MAGI2: variants seen among roughly 807,000 people sequenced by gnomAD.
The protein encoded by MAGI2 is membrane-associated guanylate kinase, WW and PDZ domain-containing protein 2.
A neutral mutation model predicts 133.3 loss-of-function variants in MAGI2; 35 were observed. The observed-to-expected ratio is 0.26, with a 90% CI of 0.20 to 0.35. MAGI2 has a LOEUF of 0.35. MAGI2 is among the 10% of genes least tolerant of loss of function. The pLI is 1.00. For missense variants in MAGI2, 1,636 were observed against 1,863.4 expected (o/e 0.88, Z 2.25); for synonymous variants, 729 against 710.6 (o/e 1.03, Z -0.41).
At chr7:78,055,474 G>A (rs1812467651) in intron 21 of MAGI2, among the ~76,000 whole-genome samples, 1 of 152,208 alleles carries the variant, frequency 6.6e-6, no homozygotes, top group Middle Eastern at 3.4e-3. Context: ...TACCTAGAGT[G>A]GCTGTCAAGA....
chr7:78,749,237 C>G (rs146135759), intron 2 of MAGI2, among the ~76,000 whole-genome samples: 1 of 152,160 alleles, frequency 6.6e-6, no homozygotes, highest in Non-Finnish European at 1.5e-5. Context: ...GTAGGATTTA[C>G]ATACATGGAG....
chr7:78,687,174 C>T (rs926665535), intron 2 of MAGI2, among the ~76,000 whole-genome samples: 1 of 152,160 alleles, frequency 6.6e-6, no homozygotes, highest in African/African-American at 2.4e-5. Flanking sequence ...GTTTTCTTCT[C>T]ACTCCTAAGC....
At chr7:78,624,647 C>T (rs778130403) in intron 3 of MAGI2, among the ~76,000 whole-genome samples, 33 of 151,804 alleles carry the variant, frequency 2.2e-4, no homozygotes, top group Non-Finnish European at 2.5e-4. Context: ...GCCTTTTGGG[C>T]GGGTGCTGAG....
chr7:78,452,682 A>G (rs1563018054), intron 6 of MAGI2, among the ~76,000 whole-genome samples: 1 of 151,830 alleles, frequency 6.6e-6, no homozygotes, highest in Non-Finnish European at 1.5e-5. Flanking sequence ...TAAGAAATAT[A>G]GAGAAAAATT....
intron 9 of MAGI2, among the ~76,000 whole-genome samples, chr7:78,299,619 T>A (rs1209141787): frequency 6.6e-6 from 1 of 152,114 alleles, no homozygotes; most frequent in Non-Finnish European, 1.5e-5. Flanking sequence ...CTTTTAAGTT[T>A]AGGGGTACAT....
chr7:78,719,271 C>G (rs1253786697), intron 2 of MAGI2, among the ~76,000 whole-genome samples: 1 of 152,060 alleles, frequency 6.6e-6, no homozygotes, highest in African/African-American at 2.4e-5. Context: ...CAATTGAAGT[C>G]TTACAAATAC....
intron 3 of MAGI2, among the ~76,000 whole-genome samples, chr7:78,529,488 G>A (rs73376271): frequency 0.019 from 2,848 of 152,060 alleles, 47 homozygotes; most frequent in African/African-American, 0.042. Context: ...GAAGGCATTT[G>A]AACATTTGTA....
intron 14 of MAGI2, among the ~76,000 whole-genome samples, chr7:78,172,044 C>T (rs1826161800): frequency 6.6e-6 from 1 of 152,114 alleles, no homozygotes. Flanking sequence ...AGAAACAAAA[C>T]AATTCTACTT....
intron 1 of MAGI2, among the ~76,000 whole-genome samples, chr7:79,019,327 G>C (rs1200938249): frequency 6.6e-6 from 1 of 152,066 alleles, no homozygotes; most frequent in African/African-American, 2.4e-5. Flanking sequence ...TGCTGTTCTT[G>C]TGATACTGAG....
intron 3 of MAGI2, among the ~76,000 whole-genome samples, chr7:78,592,536 A>G (rs1804124168): frequency 6.6e-6 from 1 of 152,222 alleles, no homozygotes; most frequent in Non-Finnish European, 1.5e-5. Flanking sequence ...ATATTATATG[A>G]TGGAGCATTT....
intron 10 of MAGI2, among the ~76,000 whole-genome samples, chr7:78,224,782 T>C (rs1789200927): frequency 6.6e-6 from 1 of 151,850 alleles, no homozygotes; most frequent in African/African-American, 2.4e-5. Context: ...TCCACCTTTG[T>C]CCTATTTCAA....
chr7:79,449,056 AAAC>A (rs1422803151), intron 1 of MAGI2, among the ~76,000 whole-genome samples: 6 of 152,148 alleles, frequency 3.9e-5, no homozygotes, highest in African/African-American at 1.2e-4. Flanking sequence ...TTTGTTTATT[AAAC>A]AACACTATTC....
intron 14 of MAGI2, 37 bp downstream of exon 14, chr7:78,177,974 C>T (rs536073645): frequency 1.4e-6 from 2 of 1,422,190 alleles, no homozygotes; most frequent in Non-Finnish European, 2.0e-6. Context: ...TCATACAATA[C>T]AGCCCCAAGC....
At chr7:79,442,899 T>A (rs1388871921) in intron 1 of MAGI2, among the ~76,000 whole-genome samples, 1 of 152,068 alleles carries the variant, frequency 6.6e-6, no homozygotes, top group Admixed American at 6.6e-5. Context: ...TTGAAGAAAC[T>A]TTGTCTAGCA....
chr7:78,556,567 G>A (rs987378392), intron 3 of MAGI2, among the ~76,000 whole-genome samples: 1 of 152,226 alleles, frequency 6.6e-6, no homozygotes, highest in Admixed American at 6.5e-5. Flanking sequence ...AATGAGGAGA[G>A]TATGTGAAGC....
chr7:78,891,566 G>C (rs1330998894), intron 2 of MAGI2, among the ~76,000 whole-genome samples: 3 of 152,104 alleles, frequency 2.0e-5, no homozygotes, highest in African/African-American at 4.8e-5. Flanking sequence ...ATGCAAGACT[G>C]GTTCAACATA....
At chr7:79,378,592 A>G (rs1238021699) in intron 1 of MAGI2, among the ~76,000 whole-genome samples, 1 of 151,682 alleles carries the variant, frequency 6.6e-6, no homozygotes, top group Non-Finnish European at 1.5e-5. Context: ...TATCAAGGAT[A>G]TAACAAATTA....
At chr7:78,378,882 T>C (rs1012493307) in intron 6 of MAGI2, among the ~76,000 whole-genome samples, 1 of 151,982 alleles carries the variant, frequency 6.6e-6, no homozygotes, top group Non-Finnish European at 1.5e-5. Context: ...AGAAGTAATA[T>C]AATTTAAAAA....
chr7:78,093,821 G>A (rs570385883), intron 20 of MAGI2, among the ~76,000 whole-genome samples: 3 of 151,830 alleles, frequency 2.0e-5, no homozygotes, highest in African/African-American at 4.8e-5. Context: ...AGCTTGTTAC[G>A]GAGTTGTGAA....
Sources: allele counts gnomAD v4.1 joint callset (sites outside exome capture counted in the v4.1 genomes callset), GRCh38; gene constraint gnomAD v4.1.1; transcripts MANE v1.5; gene names NCBI Gene and HGNC (gene_info 2026-07-23, HGNC 2026-07-21).